Variants in CRB1 observed in about 807,000 individuals in gnomAD.
CRB1 encodes crumbs cell polarity complex component 1.
CRB1 carries 83 observed loss-of-function variants against 120.0 expected under a neutral mutation model. The observed-to-expected ratio is 0.69, with a 90% CI of 0.58 to 0.83. CRB1 has a LOEUF of 0.83. CRB1 is among the 40% of genes least tolerant of loss of function. The probability of loss-of-function intolerance (pLI) is 0.00; values close to 1 mark genes in which losing one functional copy is unlikely to be tolerated. For missense variants in CRB1, 1,699 were observed against 1,687.6 expected, an observed-to-expected ratio of 1.01 and a Z score of -0.12; for synonymous variants, 625 against 612.5, an observed-to-expected ratio of 1.02 and a Z score of -0.30.
At chr1:197,380,844 C>T (rs1484318083) in intron 5 of CRB1, among the ~76,000 whole-genome samples, 2 of 152,152 alleles carry the variant, frequency 1.3e-5, no homozygotes, top group African/African-American at 4.8e-5. Flanking sequence ...CCAAATTACA[C>T]AAAGCAGCCC....
At chr1:197,358,077 T>C (rs1225626389) in intron 5 of CRB1, 1 of 152,228 alleles carries the variant, frequency 6.6e-6, no homozygotes, top group Non-Finnish European at 1.5e-5. Context: ...TTGTAATATA[T>C]AATATTTCCC....
chr1:197,475,620 ATATCTTCAGTGGCTCCTCACTGAC>A (rs1186757198), intron 11 of CRB1, among the ~76,000 whole-genome samples: 1 of 152,192 alleles, frequency 6.6e-6, no homozygotes, highest in Non-Finnish European at 1.5e-5. Flanking sequence ...TTTTGCTTAA[ATATCTTCAGTGGCTCCTCACTGAC>A]TACAGGACAA....
chr1:197,363,734 G>T, intron 5 of CRB1: 1 of 524,556 alleles, frequency 1.9e-6, no homozygotes, highest in Non-Finnish European at 3.6e-6. Flanking sequence ...GCATCCTGTG[G>T]TGCCTCCTTG....
intron 7 of CRB1, among the ~76,000 whole-genome samples, chr1:197,428,608 G>T (rs900125575): frequency 6.6e-6 from 1 of 152,146 alleles, no homozygotes; most frequent in East Asian, 1.9e-4. Flanking sequence ...TTGAGCGTTT[G>T]TTGAGCTCCA....
intron 6 of CRB1, chr1:197,422,771 G>C (rs545005638): frequency 6.6e-6 from 1 of 152,054 alleles, no homozygotes; most frequent in South Asian, 2.1e-4. Flanking sequence ...TAATTGTAAC[G>C]GACTGCTTTG....
intron 1 of CRB1, among the ~76,000 whole-genome samples, chr1:197,297,844 A>G (rs1441726023): frequency 6.6e-6 from 1 of 152,138 alleles, no homozygotes; most frequent in Non-Finnish European, 1.5e-5. Context: ...CTTTTAAGAG[A>G]TAGAGAGATA....
chr1:197,377,883 G>A (rs989859061), intron 5 of CRB1, among the ~76,000 whole-genome samples: 1 of 152,094 alleles, frequency 6.6e-6, no homozygotes, highest in African/African-American at 2.4e-5. Flanking sequence ...GATCATTTGT[G>A]CAATGAAGCA....
At chr1:197,459,230 A>G (rs1421288756) in intron 11 of CRB1, among the ~76,000 whole-genome samples, 1 of 152,154 alleles carries the variant, frequency 6.6e-6, no homozygotes, top group African/African-American at 2.4e-5. Context: ...AGAAAGAATC[A>G]TTCTATAATT....
chr1:197,344,577 A>C (rs550213289), intron 3 of CRB1, 101 bp downstream of exon 3: 2 of 1,133,260 alleles, frequency 1.8e-6, no homozygotes, highest in Admixed American at 3.5e-5. Context: ...TCGGCTTAAA[A>C]TTTGGGGTGT....
the CRB1 span, among the ~76,000 whole-genome samples, chr1:197,211,264 A>G: frequency 6.6e-6 from 1 of 152,238 alleles, no homozygotes; most frequent in Admixed American, 6.5e-5. Flanking sequence ...TGGCATACCA[A>G]CAGCCATTGT....
the CRB1 span, among the ~76,000 whole-genome samples, chr1:197,250,800 T>G: frequency 2.0e-5 from 3 of 152,018 alleles, no homozygotes; most frequent in Non-Finnish European, 4.4e-5. Context: ...AGGGAGGAGC[T>G]GCACCTCAGT....
At chr1:197,431,345 GGTACCACACAT>G (rs539947933) in intron 8 of CRB1, among the ~76,000 whole-genome samples, 48 of 152,028 alleles carry the variant, frequency 3.2e-4, no homozygotes, top group African/African-American at 1.2e-3. Context: ...TTAAGAAATA[GGTACCACACAT>G]GTATAGAAAA....
intron 8 of CRB1, among the ~76,000 whole-genome samples, chr1:197,431,039 C>G (rs143635400): frequency 6.4e-4 from 97 of 151,274 alleles, no homozygotes; most frequent in African/African-American, 2.3e-3. Flanking sequence ...GCACTATAGC[C>G]TGTGCAACAA....
intron 7 of CRB1, among the ~76,000 whole-genome samples, chr1:197,428,261 C>T (rs1488539265): frequency 1.3e-5 from 2 of 152,202 alleles, no homozygotes; most frequent in East Asian, 3.9e-4. Context: ...CTCACCCTCA[C>T]AGCAATCAAA....
the CRB1 span, among the ~76,000 whole-genome samples, chr1:197,239,894 T>A: frequency 6.7e-6 from 1 of 148,868 alleles, no homozygotes; most frequent in Admixed American, 6.7e-5. Flanking sequence ...AAATAAATAA[T>A]TATAATTTAT....
At chr1:197,391,540 G>C (rs1237261754) in intron 5 of CRB1, among the ~76,000 whole-genome samples, 1 of 152,094 alleles carries the variant, frequency 6.6e-6, no homozygotes, top group Admixed American at 6.6e-5. Flanking sequence ...AATGTTTGTA[G>C]TTGCCTTGTG....
chr1:197,421,760 A>G lies in CRB1; in HGVS notation c.1932A>G (p.Gln644=). ...CACCTTCGTTTGTAGGCTGTCTCCAAGACATTAAAATTGATTGGAATCACA... is the reference window on the plus strand; with the variant it reads ...CACCTTCGTTTGTAGGCTGTCTCCAGGACATTAAAATTGATTGGAATCACA... ...PSTPSFVGCL[Q]DIKIDWNHIT... The change falls in exon 6 of 12, where the codon CAA becomes CAG. Residue 644 remains glutamine (Q), a synonymous_variant. Coordinates refer to ENST00000367400, the MANE Select transcript of CRB1 (RefSeq NM_201253.3). The G allele has an allele frequency of 1.9e-6, 3 of 1,614,194 alleles. No individual in the cohort carries two copies. Among genetic ancestry groups the G allele is most frequent in the Non-Finnish European group, 2.5e-6 (3 of 1,180,040 alleles).
At chr1:197,209,433 C>T in the CRB1 span, among the ~76,000 whole-genome samples, 1 of 152,272 alleles carries the variant, frequency 6.6e-6, no homozygotes, top group Admixed American at 6.5e-5. Flanking sequence ...GCAACCTCCA[C>T]CTCCCAGGCT....
intron 5 of CRB1, among the ~76,000 whole-genome samples, chr1:197,382,340 A>G (rs548714893): frequency 4.4e-4 from 67 of 152,272 alleles, no homozygotes; most frequent in African/African-American, 1.3e-3. Context: ...TGTATTTCCA[A>G]TACCTTATAC....
Sources: allele counts gnomAD v4.1 joint callset (sites outside exome capture counted in the v4.1 genomes callset), GRCh38; gene constraint gnomAD v4.1.1; transcripts MANE v1.5; gene names NCBI Gene and HGNC (gene_info 2026-07-23, HGNC 2026-07-21).